The following NIPAL3 variants were observed in gnomAD, a reference collection of about 807,000 sequenced individuals.
NIPAL3 encodes NIPA like domain containing 3, also known as NIPA-like protein 3.
A neutral mutation model predicts 47.2 loss-of-function variants in NIPAL3; 41 were observed. The observed-to-expected ratio is 0.87, with a 90% CI of 0.68 to 1.13. The LOEUF is 1.13. Among genes scored for constraint, NIPAL3 ranks in the 50% most tolerant of loss-of-function variants. NIPAL3 has a pLI of 0.00. For missense variants in NIPAL3, 449 were observed against 530.1 expected (o/e 0.85, Z 1.50); for synonymous variants, 194 against 209.6 (o/e 0.93, Z 0.64).
chr1:24,417,015 T>C (rs1644080209), intron 1 of NIPAL3: 1 of 152,310 alleles, frequency 6.6e-6, no homozygotes, highest in Non-Finnish European at 1.5e-5. Context: ...TAAGGTCTGT[T>C]GGCTTTCTCT....
At position 24,454,381 on chromosome 1, in the gene NIPAL3, G is replaced by A. The variant is rs1300599741; in HGVS notation, c.637+877G>A. The A allele has an allele frequency of 4.8e-6, 5 of 1,043,148 alleles. No homozygotes were observed. The African/African-American group carries it at 8.6e-5, about 18-fold the overall frequency. 64.6% of individuals were successfully genotyped at this position (1,043,148 alleles called of 1,614,324 possible). On this transcript the variant is annotated intron_variant, in intron 7 of 11. Transcript: ENST00000374399. This position sits in a 1 kb window ranked among gnomAD's most constrained non-coding sequence, Gnocchi z 4.1. ...CGCTGTCCACTTCTCTAAAGGGGGG[G>A]CCTATGAGAACATCCAAGTCACGGA...
At position 24,430,497 on chromosome 1, in the gene NIPAL3, G is replaced by T. The variant is rs1017434995; in HGVS notation, c.94-9675G>T. Among the ~76,000 whole-genome samples the T allele has an allele frequency of 2.6e-5, 4 of 152,112 alleles. No individual in the cohort carries two copies. In the South Asian group the frequency reaches 8.3e-4, roughly 31 times the overall value. On this transcript the variant is annotated intron_variant, in intron 2 of 11. Transcript: ENST00000374399. ...ACTCCTGACCTCAAGTGATCCACCC[G>T]CCTTGGCCTCCCAAAGTGCTGAGAT...
At chr1:24,427,299 G>A (rs947995078) in intron 2 of NIPAL3, among the ~76,000 whole-genome samples, 2 of 152,220 alleles carry the variant, frequency 1.3e-5, no homozygotes, top group Non-Finnish European at 2.9e-5. Context: ...TACAAGCAGT[G>A]TAGCCCAGGG....
At position 24,454,298 on chromosome 1, in the gene NIPAL3, C is replaced by T; in HGVS notation, c.637+794C>T. ...CAGGCTGGTGTCAGGGCTGGTGAAGCCTGCTACCGCGCTGCTCTTGAGTGG... is the reference window on the plus strand; with the variant it reads ...CAGGCTGGTGTCAGGGCTGGTGAAGTCTGCTACCGCGCTGCTCTTGAGTGG... On this transcript the variant is annotated intron_variant, in intron 7 of 11. Transcript: ENST00000374399. This position sits in a 1 kb window ranked among gnomAD's most constrained non-coding sequence, Gnocchi z 4.1. The T allele has an allele frequency of 8.6e-7, 1 of 1,160,086 alleles. No homozygotes were observed. The highest frequency in any genetic ancestry group is 1.1e-6 in the Non-Finnish European group (1 of 929,528). The allele number at this position is 1,160,086 out of a possible 1,614,324, so 71.9% of individuals were successfully genotyped here. A position where few individuals can be genotyped will look rare whatever the true frequency, so the allele number is the denominator to read the frequency against.
Position 24,453,502 on chromosome 1 carries a change from T to G in NIPAL3, c.635T>G (p.Leu212Arg). 6.2e-7 allele frequency: 1 copy of G among 1,612,154 alleles called. No individual in the cohort carries two copies. ...GTGATTCTTCTCTTGGTGGCGTTACTTGGTAAGTTGGCATCTGGATGATTG... is the reference window on the plus strand; with the variant it reads ...GTGATTCTTCTCTTGGTGGCGTTACGTGGTAAGTTGGCATCTGGATGATTG... Reference protein sequence around the residue: ...IVVILLLVALLGSMTVVTVKA... With the variant: ...IVVILLLVALRGSMTVVTVKA... The change falls in exon 7 of 12, where the codon CTT becomes CGT. Residue 212 changes from leucine (L) to arginine (R), a missense_variant and splice_region_variant. Coordinates refer to ENST00000374399, the MANE Select transcript of NIPAL3 (RefSeq NM_020448.5).
Position 24,449,045 on chromosome 1 carries a change from A to G in NIPAL3, c.395-436A>G, listed in dbSNP as rs1051879013. On this transcript the variant is annotated intron_variant, in intron 5 of 11. Coordinates refer to ENST00000374399, the MANE Select transcript of NIPAL3 (RefSeq NM_020448.5). This position sits in a 1 kb window ranked among gnomAD's most constrained non-coding sequence, Gnocchi z 4.5. ...ACATCATGCTGAGTCAAAAGAGATC[A>G]CACCGTATGGGTCCATTTGTATAAA... Among the ~76,000 whole-genome samples the G allele has an allele frequency of 6.6e-6, 1 of 152,244 alleles. No individual in the cohort carries two copies. Among genetic ancestry groups the G allele is most frequent in the African/African-American group, 2.4e-5 (1 of 41,464 alleles).
chr1:24,452,378 C>T (rs977274548), intron 6 of NIPAL3, among the ~76,000 whole-genome samples: 7 of 152,172 alleles, frequency 4.6e-5, no homozygotes, highest in South Asian at 4.1e-4. Flanking sequence ...GCCACGCCAT[C>T]GTGGTAGTAC....
At chr1:24,430,139 G>A (rs999832576) in intron 2 of NIPAL3, among the ~76,000 whole-genome samples, 1 of 152,000 alleles carries the variant, frequency 6.6e-6, no homozygotes, top group East Asian at 1.9e-4. Flanking sequence ...TCTACTGCAA[G>A]TTTTGTTTCC....
intron 9 of NIPAL3, 57 bp downstream of exon 9, chr1:24,459,033 C>G: frequency 6.7e-7 from 1 of 1,491,314 alleles, no homozygotes; most frequent in Non-Finnish European, 9.3e-7. Flanking sequence ...GGGTATTATC[C>G]CAGGGCAGAG....
rs967644647 is a variant in NIPAL3 at position 24,449,913 on chromosome 1, C to T, written c.540+287C>T. 6.6e-6 allele frequency among the ~76,000 whole-genome samples: 1 copy of T among 152,032 alleles called. No homozygotes were observed. Among genetic ancestry groups the T allele is most frequent in the African/African-American group, 2.4e-5 (1 of 41,372 alleles). On this transcript the variant is annotated intron_variant, in intron 6 of 11. Transcript: ENST00000374399. This position sits in a 1 kb window ranked among gnomAD's most constrained non-coding sequence, Gnocchi z 4.5. ...ATCCACATATCCTATGGAGGAATTC[C>T]ACCCCTCATTTTATACTCAACAGAA...
At chr1:24,466,151 G>A (rs191554411) in intron 11 of NIPAL3, 60 of 1,529,572 alleles carry the variant, frequency 3.9e-5, no homozygotes, top group Middle Eastern at 1.7e-4. Context: ...CTGACCTCCA[G>A]GAACTAGCCT....
intron 5 of NIPAL3, among the ~76,000 whole-genome samples, chr1:24,446,036 A>G (rs1249092203): frequency 1.4e-4 from 21 of 147,552 alleles, no homozygotes; most frequent in Admixed American, 1.4e-3. Flanking sequence ...CAGCAGTAGG[A>G]TAGATGGGGC....
intron 4 of NIPAL3, among the ~76,000 whole-genome samples, chr1:24,442,632 C>T (rs111714039): frequency 2.0e-5 from 3 of 152,132 alleles, no homozygotes; most frequent in African/African-American, 7.2e-5. Context: ...AACCTTAACC[C>T]ATGCATCTTT....
rs1644029039 is a variant in NIPAL3, at chr1:24,416,314, C to T, written c.-258+410C>T. The T allele has an allele frequency of 4.1e-6, 4 of 985,294 alleles. No homozygotes were observed. The highest frequency in any genetic ancestry group is 9.4e-5 in the South Asian group (2 of 21,284). The allele number at this position is 985,294 out of a possible 1,614,324, so 61.0% of individuals were successfully genotyped here. A position where few individuals can be genotyped will look rare whatever the true frequency, so the allele number is the denominator to read the frequency against. ...CTCCTCGAGTTGTAAGTTTCCAGCT[C>T]AGTGGGACGGGACGGAAGAATGTAA... On this transcript the variant is annotated intron_variant, in intron 1 of 11. Transcript: ENST00000374399. The surrounding 1 kb of genome is among the most constrained non-coding windows in gnomAD (Gnocchi z 4.8).
intron 5 of NIPAL3, among the ~76,000 whole-genome samples, chr1:24,446,069 CGTGTGTGTGTGTGTGT>C (rs58016013): frequency 3.4e-5 from 5 of 147,736 alleles, no homozygotes; most frequent in Admixed American, 6.7e-5. Flanking sequence ...AGATTATAGT[CGTGTGTGTGTGTGTGT>C]GTGTGTGTGT....
At chr1:24,420,271 G>C (rs1315506934) in intron 2 of NIPAL3, 2 of 152,226 alleles carry the variant, frequency 1.3e-5, no homozygotes, top group East Asian at 3.9e-4. Flanking sequence ...GGAGGCCAAG[G>C]CGGGAGGATC....
chr1:24,421,748 A>G (rs1440788446), intron 2 of NIPAL3: 5 of 152,180 alleles, frequency 3.3e-5, no homozygotes, highest in African/African-American at 1.2e-4. Context: ...CCCTTAGGCA[A>G]TGACCCACAC....
intron 2 of NIPAL3, among the ~76,000 whole-genome samples, chr1:24,439,282 T>G (rs1227753494): frequency 6.6e-6 from 1 of 152,176 alleles, no homozygotes; most frequent in African/African-American, 2.4e-5. Flanking sequence ...CCAAAAATAA[T>G]GAGTTATTTG....
chr1:24,437,238 T>C (rs776630445), intron 2 of NIPAL3, among the ~76,000 whole-genome samples: 27 of 152,058 alleles, frequency 1.8e-4, no homozygotes, highest in Non-Finnish European at 3.1e-4. Flanking sequence ...GGCGACAGAG[T>C]GAGACTCCAT....
Sources: gnomAD v4.1 joint callset for allele counts (sites outside exome capture counted in the v4.1 genomes callset) on GRCh38, gnomAD v4.1.1 for gene constraint, Gnocchi (gnomAD v3.1) non-coding constraint, MANE v1.5 for transcripts, NCBI Gene and HGNC (gene_info 2026-07-23, HGNC 2026-07-21) for gene names.